The following HIVEP1 variants were observed in gnomAD, a reference collection of about 807,000 sequenced individuals.
HIVEP1 encodes zinc finger protein 40.
In HIVEP1, 36 loss-of-function variants were observed where a neutral mutation model predicts 180.0. That is an observed-to-expected ratio of 0.20 (90% CI 0.15 to 0.26). The LOEUF is 0.26. Among genes scored for constraint, HIVEP1 ranks in the 10% least tolerant of loss-of-function variants. HIVEP1 has a pLI of 1.00. For missense variants in HIVEP1, 3,143 were observed against 3,268.7 expected, an observed-to-expected ratio of 0.96 and a Z score of 0.94; for synonymous variants, 1,239 against 1,239.0, an observed-to-expected ratio of 1.00 and a Z score of 0.00.
At chr6:12,179,402 G>A in the HIVEP1 span, among the ~76,000 whole-genome samples, 1 of 152,214 alleles carries the variant, frequency 6.6e-6, no homozygotes, top group African/African-American at 2.4e-5. Flanking sequence ...GCTAAGCTTT[G>A]GGACAGTCCA....
chr6:12,008,631 T>C (rs943749861), upstream of HIVEP1: 1 of 151,936 alleles, frequency 6.6e-6, no homozygotes, highest in Non-Finnish European at 1.5e-5. Flanking sequence ...AAGATCTGTC[T>C]ATCTTCTCGG....
At chr6:12,182,774 A>T in the HIVEP1 span, among the ~76,000 whole-genome samples, 1 of 152,154 alleles carries the variant, frequency 6.6e-6, no homozygotes, top group East Asian at 1.9e-4. Flanking sequence ...CCAGTGAGGA[A>T]ATGTGTATAA....
At chr6:12,013,845 A>T (rs1767563528) in intron 1 of HIVEP1, among the ~76,000 whole-genome samples, 1 of 152,188 alleles carries the variant, frequency 6.6e-6, no homozygotes, top group African/African-American at 2.4e-5. Context: ...TTATTTTACC[A>T]TGTAGTTAAA....
In HIVEP1 at chr6:12,164,270, C is replaced by A. The variant is rs897589676; in HGVS notation, c.7966C>A (p.Gln2656Lys). 6.2e-7 allele frequency: 1 copy of A among 1,613,954 alleles called. No individual in the cohort carries two copies. Among genetic ancestry groups the A allele is most frequent in the African/African-American group, 1.3e-5 (1 of 74,908 alleles). Residue 2656 changes from glutamine (Q) to lysine (K), a missense_variant, in exon 9 of 9, where the codon CAA becomes AAA. By Grantham distance (53) the Gln-to-Lys change is moderately conservative. Around this residue, in one of 12 missense-constraint regions of HIVEP1, gnomAD observed 595 missense variants for 602.2 expected, o/e 0.99. Coordinates refer to ENST00000379388, the MANE Select transcript of HIVEP1 (RefSeq NM_002114.4). Reference sequence around the variant, plus strand: ...GCCTGAACTCACTTCCATACAGGGCCAACCAGCGTCCACGTCACAACCTCT... The same window carrying A: ...GCCTGAACTCACTTCCATACAGGGCAAACCAGCGTCCACGTCACAACCTCT... ...PKPELTSIQGQPASTSQPLLK... is the reference protein window; with the variant it reads ...PKPELTSIQGKPASTSQPLLK...
In HIVEP1 at chr6:12,118,608, A is replaced by G. The variant is rs374584920; in HGVS notation, c.95-1282A>G. 9.9e-5 allele frequency among the ~76,000 whole-genome samples: 15 copies of G among 152,236 alleles called. No individual in the cohort carries two copies. In the East Asian group the frequency reaches 1.9e-3, roughly 20 times the overall value. On this transcript the variant is annotated intron_variant, in intron 3 of 8. Coordinates refer to ENST00000379388, the MANE Select transcript of HIVEP1 (RefSeq NM_002114.4). Reference sequence around the variant, plus strand: ...TTACCTTCTTTCTGCCTATCTCCCTACCTGCCTACCTGCCCTACCTATTGC... The same window carrying G: ...TTACCTTCTTTCTGCCTATCTCCCTGCCTGCCTACCTGCCCTACCTATTGC...
chr6:12,124,142 A>T lies in HIVEP1; in HGVS notation c.4347A>T (p.Thr1449=). ...PDSHLSPVHP[T]SFQNTALPSV... is the part of the protein sequence containing the mutation. ...GTCATCTGTCTCCTGTACACCCAACATCTTTCCAAAATACTGCTCTTCCCA... is the reference window on the plus strand; with the variant it reads ...GTCATCTGTCTCCTGTACACCCAACTTCTTTCCAAAATACTGCTCTTCCCA... The change falls in exon 4 of 9, where the codon ACA becomes ACT. Residue 1449 remains threonine, a synonymous_variant. Transcript: ENST00000379388. 2 of 1,614,108 alleles carry T rather than the reference A, an allele frequency of 1.2e-6. No individual in the cohort carries two copies. Among genetic ancestry groups the T allele is most frequent in the Admixed American group, 3.3e-5 (2 of 60,030 alleles).
At chr6:12,011,270 T>TCCCCCCCCC (rs76242358), upstream of HIVEP1, among the ~76,000 whole-genome samples, 111 of 71,640 alleles carry the variant, frequency 1.5e-3, no homozygotes, top group Non-Finnish European at 1.8e-3. Context: ...CCCCTTGGGG[T>TCCCCCCCCC]CCCCCCCCCC....
At chr6:12,067,964 C>T (rs1331035891) in intron 2 of HIVEP1, among the ~76,000 whole-genome samples, 1 of 152,048 alleles carries the variant, frequency 6.6e-6, no homozygotes, top group Non-Finnish European at 1.5e-5. Flanking sequence ...TTATTTTTCT[C>T]CCCTCTAAGA....
chr6:12,056,421 C>G (rs879388363), intron 2 of HIVEP1, among the ~76,000 whole-genome samples: 1 of 152,090 alleles, frequency 6.6e-6, no homozygotes, highest in African/African-American at 2.4e-5. Context: ...TTTGCCTTAT[C>G]TCTGTATATG....
Position 12,161,857 on chromosome 6 carries a change from G to T in HIVEP1, c.6906G>T (p.Met2302Ile), listed in dbSNP as rs1200511557. The part of the protein sequence containing the change: ...VDTSRSPCHQ[M>I]SVDYPESEEI... ...CTTCCAGGTCCCCGTGTCATCAGAT[G>T]TCTGTGGACTACCCTGAGTCAGAAG... Residue 2302 changes from methionine (M) to isoleucine (I), a missense_variant, in exon 8 of 9, where the codon ATG becomes ATT. Met to Ile is a conservative substitution (Grantham distance 10). This residue lies in a region of HIVEP1 where 595 missense variants were observed against 602.2 expected (regional missense o/e 0.99). Coordinates refer to ENST00000379388, the MANE Select transcript of HIVEP1 (RefSeq NM_002114.4). The T allele has an allele frequency of 6.2e-7, 1 of 1,613,814 alleles. No homozygotes were observed. The highest frequency in any genetic ancestry group is 2.2e-5 in the East Asian group (1 of 44,894).
chr6:12,163,542 A>T lies in HIVEP1; in HGVS notation c.7238A>T (p.Tyr2413Phe). 6.2e-7 allele frequency: 1 copy of T among 1,613,982 alleles called. No individual in the cohort carries two copies. The highest frequency in any genetic ancestry group is 2.2e-5 in the East Asian group (1 of 44,872). ...GIHVVPAGLTYSTFVPLQAGP... is the reference protein window; with the variant it reads ...GIHVVPAGLTFSTFVPLQAGP... ...CATGTGGTACCTGCTGGCCTCACAT[A>T]CTCCACGTTTGTGCCCCTTCAGGCT... is the stretch of plus-strand genomic sequence containing the variant. Residue 2413 changes from tyrosine (Y) to phenylalanine (F), a missense_variant, in exon 9 of 9, where the codon TAC (tyrosine) becomes TTC (phenylalanine). This residue lies in a region of HIVEP1 where 595 missense variants were observed against 602.2 expected (regional missense o/e 0.99). Transcript: ENST00000379388.
chr6:12,173,440 A>T, the HIVEP1 span, among the ~76,000 whole-genome samples: 1 of 152,166 alleles, frequency 6.6e-6, no homozygotes, highest in African/African-American at 2.4e-5. Flanking sequence ...CGATGACAGG[A>T]ACTTGGAAAT....
chr6:12,048,804 A>G (rs892035097), intron 2 of HIVEP1, among the ~76,000 whole-genome samples: 1 of 152,092 alleles, frequency 6.6e-6, no homozygotes, highest in Non-Finnish European at 1.5e-5. Context: ...TTTGAGCAAA[A>G]TGGTGAAGCT....
chr6:12,042,067 G>A (rs1023853805), intron 2 of HIVEP1, among the ~76,000 whole-genome samples: 2 of 147,130 alleles, frequency 1.4e-5, no homozygotes, highest in South Asian at 2.1e-4. Flanking sequence ...GTTAATATTC[G>A]TACGCTTTTT....
chr6:12,171,496 T>TG, the HIVEP1 span, among the ~76,000 whole-genome samples: 1 of 152,214 alleles, frequency 6.6e-6, no homozygotes, highest in African/African-American at 2.4e-5. Context: ...CATCAGGCTC[T>TG]GAGGCCAAGC....
intron 4 of HIVEP1, among the ~76,000 whole-genome samples, chr6:12,126,852 C>G (rs150136913): frequency 9.2e-4 from 140 of 151,950 alleles, no homozygotes; most frequent in African/African-American, 3.2e-3. Context: ...ATTTTTCAGG[C>G]AAAGAAGAAG....
intron 2 of HIVEP1, among the ~76,000 whole-genome samples, chr6:12,027,854 C>A (rs1434601171): frequency 2.0e-5 from 3 of 152,134 alleles, no homozygotes; most frequent in African/African-American, 7.2e-5. Context: ...CTCAGTAGTC[C>A]CTACAACACT....
chr6:12,201,805 T>C, the HIVEP1 span, among the ~76,000 whole-genome samples: 3 of 152,236 alleles, frequency 2.0e-5, no homozygotes, highest in Admixed American at 1.3e-4. Context: ...ATTAAAAGTT[T>C]CTTTTGAAAA....
intron 7 of HIVEP1, among the ~76,000 whole-genome samples, chr6:12,142,014 C>A (rs1397765915): frequency 6.6e-6 from 1 of 152,160 alleles, no homozygotes; most frequent in African/African-American, 2.4e-5. Flanking sequence ...GACTTGAACT[C>A]CGCTCTGCAC....
Sources: allele counts gnomAD v4.1 joint callset (sites outside exome capture counted in the v4.1 genomes callset), GRCh38; gene constraint gnomAD v4.1.1; regional missense constraint gnomAD v4.1.1; transcripts MANE v1.5; gene names NCBI Gene and HGNC (gene_info 2026-07-23, HGNC 2026-07-21).